ADNP: variants seen among roughly 807,000 people sequenced by gnomAD.
ADNP encodes activity dependent neuroprotector homeobox, also known as activity-dependent neuroprotector homeobox protein.
ADNP carries 4 observed loss-of-function variants against 84.9 expected under a neutral mutation model. The ratio of observed to expected loss-of-function variants is 0.05; its 90% CI spans 0.02 to 0.11. The LOEUF is 0.11. Among genes scored for constraint, ADNP ranks in the 10% least tolerant of loss-of-function variants. The pLI, the probability that ADNP is intolerant of heterozygous loss-of-function variation, is 1.00. For synonymous variants in ADNP, 554 were observed against 468.1 expected, an observed-to-expected ratio of 1.18 and a Z score of -2.37; for missense variants, 1,132 against 1,326.0, an observed-to-expected ratio of 0.85 and a Z score of 2.27.
intron 2 of ADNP, among the ~76,000 whole-genome samples, chr20:50,917,106 A>T (rs1341770759): frequency 6.6e-6 from 1 of 152,194 alleles, no homozygotes; most frequent in East Asian, 1.9e-4. Context: ...CACCCTCCAG[A>T]CCTGAGATGC....
rs1383626550 is a variant in ADNP at position 50,894,056 on chromosome 20, T to C, written c.658A>G (p.Ser220Gly). 2 of 1,614,128 alleles carry C rather than the reference T, an allele frequency of 1.2e-6. No homozygotes were observed. Among genetic ancestry groups the C allele is most frequent in the African/African-American group, 1.3e-5 (1 of 74,940 alleles). Reference protein sequence around the residue: ...PLGSNAREESSIHCKRCLFMP... With the variant: ...PLGSNAREESGIHCKRCLFMP... ...AAAAGGCATCGCTTGCAGTGAATAC[T>C]ACTCTCTTCTCGGGCATTCGAGCCT... is the stretch of plus-strand genomic sequence containing the variant. Residue 220 changes from serine (S) to glycine (G), a missense_variant, in exon 6 of 6, where the codon AGT becomes GGT. Physicochemically the swap from Ser to Gly is moderately conservative, Grantham distance 56. Around this residue, in one of 10 missense-constraint regions of ADNP, gnomAD observed 130 missense variants for 183.7 expected, o/e 0.71. Coordinates refer to ENST00000621696, the MANE Select transcript of ADNP (RefSeq NM_001282531.3).
chr20:50,922,030 G>C (rs142182751), intron 2 of ADNP, among the ~76,000 whole-genome samples: 3 of 152,128 alleles, frequency 2.0e-5, no homozygotes, highest in African/African-American at 7.2e-5. Flanking sequence ...ACTTGCTGTC[G>C]CTGTAAGTGG....
At chr20:50,917,431 A>T (rs1247814429) in intron 2 of ADNP, among the ~76,000 whole-genome samples, 1 of 152,220 alleles carries the variant, frequency 6.6e-6, no homozygotes, top group Non-Finnish European at 1.5e-5. Context: ...ACATTTGAAG[A>T]ATCTCTTTCT....
intron 3 of ADNP, chr20:50,904,226 C>T: frequency 3.9e-6 from 2 of 514,008 alleles, no homozygotes; most frequent in Non-Finnish European, 7.0e-6. Context: ...CAGAGTCTTA[C>T]TCTGTCGCGC....
chr20:50,908,327 C>G (rs932339042), intron 2 of ADNP, among the ~76,000 whole-genome samples: 2 of 152,072 alleles, frequency 1.3e-5, no homozygotes, highest in East Asian at 3.8e-4. Flanking sequence ...TATAACAAGC[C>G]AAACAATTCT....
In ADNP at chr20:50,889,994, T is replaced by C. The variant is rs890689496; in HGVS notation, c.*1411A>G. 7.6e-6 allele frequency: 3 copies of C among 396,740 alleles called. No homozygotes were observed. Among genetic ancestry groups the C allele is most frequent in the African/African-American group, 6.2e-5 (3 of 48,052 alleles). The allele number at this position is 396,740 out of a possible 1,614,324, so 24.6% of individuals were successfully genotyped here. A position where few individuals can be genotyped will look rare whatever the true frequency, so the allele number is the denominator to read the frequency against. ...AACAAACAAAAAACCCATCAGGCTA[T>C]TAAGATTCTGCTTGCAAATTAATGC... is the stretch of plus-strand genomic sequence containing the variant. On this transcript the variant is annotated 3_prime_UTR_variant, in exon 6 of 6. Coordinates refer to ENST00000621696, the MANE Select transcript of ADNP (RefSeq NM_001282531.3).
At chr20:50,912,122 C>T (rs1160062428) in intron 2 of ADNP, among the ~76,000 whole-genome samples, 1 of 152,046 alleles carries the variant, frequency 6.6e-6, no homozygotes, top group Non-Finnish European at 1.5e-5. Flanking sequence ...TGGTTAACAC[C>T]TAAACATAAG....
intron 2 of ADNP, among the ~76,000 whole-genome samples, chr20:50,910,454 G>A (rs1555814082): frequency 6.6e-6 from 1 of 152,168 alleles, no homozygotes; most frequent in Non-Finnish European, 1.5e-5. Context: ...GAAAGCATGG[G>A]TGTGGACCTG....
At chr20:50,904,134 TAC>T (rs945068380) in intron 3 of ADNP, 133 bp from the exon 4 acceptor site, 14 of 646,318 alleles carry the variant, frequency 2.2e-5, no homozygotes, top group Middle Eastern at 4.2e-4. Flanking sequence ...ATCTAGTGTG[TAC>T]ACACACAGAC....
Position 50,892,245 on chromosome 20 carries a change from C to T in ADNP, c.2469G>A (p.Leu823=), listed in dbSNP as rs1286143867. 1 of 1,614,066 alleles carries T rather than the reference C, an allele frequency of 6.2e-7. No individual in the cohort carries two copies. The highest frequency in any genetic ancestry group is 8.5e-7 in the Non-Finnish European group (1 of 1,180,056). ...TTAATTCTTTCATGTTAAACCCCAG[C>T]AACACGCCAGGCTTGTACTTTTCAC... The part of the protein sequence containing the change: ...RDCEKYKPGV[L]LGFNMKELNK... The change falls in exon 6 of 6, where the codon TTG becomes TTA. Residue 823 remains leucine (L), a synonymous_variant. Coordinates refer to ENST00000621696, the MANE Select transcript of ADNP (RefSeq NM_001282531.3).
chr20:50,914,208 CA>C, intron 2 of ADNP: 3 of 764,324 alleles, frequency 3.9e-6, no homozygotes, highest in Non-Finnish European at 6.9e-6. Flanking sequence ...TTCTGTACTA[CA>C]AAGCATCCAC....
At chr20:50,908,411 T>G (rs1433036025) in intron 2 of ADNP, among the ~76,000 whole-genome samples, 1 of 152,228 alleles carries the variant, frequency 6.6e-6, no homozygotes, top group Non-Finnish European at 1.5e-5. Flanking sequence ...AAGGACCCTA[T>G]GTTTCTTTGC....
chr20:50,909,363 C>CAAAAAAAAAAAAAAAAAAAAAAAAAAAA (rs3069819), intron 2 of ADNP: 3 of 44,356 alleles, frequency 6.8e-5, no homozygotes, highest in African/African-American at 8.2e-5. Context: ...AAAACTGTCT[C>CAAAAAAAAAAAAAAAAAAAAAAAAAAAA]AAAAAAAAAA....
At chr20:50,928,025 T>C (rs1323992463) in intron 2 of ADNP, among the ~76,000 whole-genome samples, 4 of 152,258 alleles carry the variant, frequency 2.6e-5, no homozygotes, top group Non-Finnish European at 5.9e-5. Context: ...TTTAAATATG[T>C]GATTTTTCAC....
At chr20:50,909,183 G>T (rs1174671657) in intron 2 of ADNP, among the ~76,000 whole-genome samples, 1 of 151,562 alleles carries the variant, frequency 6.6e-6, no homozygotes, top group African/African-American at 2.4e-5. Flanking sequence ...TGACCAACAT[G>T]GAGAAACCCC....
At chr20:50,922,407 T>C (rs1984012814) in intron 2 of ADNP, among the ~76,000 whole-genome samples, 1 of 152,100 alleles carries the variant, frequency 6.6e-6, no homozygotes, top group African/African-American at 2.4e-5. Context: ...GTTCTATTAA[T>C]TTGCTGGAGC....
chr20:50,930,517 T>C (rs1032054804), intron 1 of ADNP, among the ~76,000 whole-genome samples: 1 of 151,560 alleles, frequency 6.6e-6, no homozygotes, highest in Non-Finnish European at 1.5e-5. Flanking sequence ...GAGATGCCCT[T>C]AGCTGCAAAA....
At chr20:50,917,473 T>C (rs565616448) in intron 2 of ADNP, among the ~76,000 whole-genome samples, 1 of 152,338 alleles carries the variant, frequency 6.6e-6, no homozygotes, top group South Asian at 2.1e-4. Context: ...TCTTGTAAAA[T>C]GAAAACCACA....
Position 50,923,244 on chromosome 20 carries a change from G to A in ADNP, c.-90+5407C>T, listed in dbSNP as rs185506113. Among the ~76,000 whole-genome samples, 27 of 152,158 alleles carry A rather than the reference G, an allele frequency of 1.8e-4. No individual in the cohort carries two copies. In the East Asian group the frequency reaches 4.8e-3, roughly 27 times the overall value. On this transcript the variant is annotated intron_variant, in intron 2 of 5. Coordinates refer to ENST00000621696, the MANE Select transcript of ADNP (RefSeq NM_001282531.3). ...TCTTTGTATCTAAATGACATAAAAC[G>A]TTATTTTGATCCCCTAATAATACAT...
Sources: allele counts gnomAD v4.1 joint callset (sites outside exome capture counted in the v4.1 genomes callset), GRCh38; gene constraint gnomAD v4.1.1; regional missense constraint gnomAD v4.1.1; transcripts MANE v1.5; gene names NCBI Gene and HGNC (gene_info 2026-07-23, HGNC 2026-07-21).